NDUFB10: variants seen among roughly 807,000 people sequenced by gnomAD.
NDUFB10 encodes NADH:ubiquinone oxidoreductase subunit B10, also known as NADH dehydrogenase [ubiquinone] 1 beta subcomplex subunit 10.
A neutral mutation model predicts 19.0 loss-of-function variants in NDUFB10; 23 were observed. The ratio of observed to expected loss-of-function variants is 1.21; its 90% CI spans 0.87 to 1.71. NDUFB10 has a LOEUF of 1.71. NDUFB10 is among the 40% of genes most tolerant of loss of function. The pLI, the probability that NDUFB10 is intolerant of heterozygous loss-of-function variation, is 0.00. For synonymous variants in NDUFB10, 104 were observed against 81.8 expected (o/e 1.27, Z -1.46); for missense variants, 312 against 230.6 (o/e 1.35, Z -2.29).
In NDUFB10 at chr16:1,961,608, C is replaced by T; in HGVS notation, c.381C>T (p.Thr127=). 4 of 1,613,774 alleles carry T rather than the reference C, an allele frequency of 2.5e-6. No homozygotes were observed. The highest frequency in any genetic ancestry group is 1.7e-6 in the Non-Finnish European group (2 of 1,179,996). The change falls in exon 3 of 4, where the codon ACC becomes ACT. Residue 127 remains threonine, a synonymous_variant. Transcript: ENST00000268668. ...QNCIKEVEQF[T]QVAKAYQDRY... Reference sequence around the variant, plus strand: ...GTATCAAGGAAGTGGAGCAGTTCACCCAGGTGGCCAAGGCCTACCAGGACC... The same window carrying T: ...GTATCAAGGAAGTGGAGCAGTTCACTCAGGTGGCCAAGGCCTACCAGGACC...
At chr16:1,960,801 A>G (rs2083248747) in intron 1 of NDUFB10, among the ~76,000 whole-genome samples, 2 of 152,242 alleles carry the variant, frequency 1.3e-5, no homozygotes, top group Admixed American at 1.3e-4. Flanking sequence ...TTGCGCACCC[A>G]GCAGGGTCCC....
At chr16:1,961,723 G>C (rs990171144) in intron 3 of NDUFB10, 74 bp from the exon 4 acceptor site, 2 of 1,510,286 alleles carry the variant, frequency 1.3e-6, no homozygotes, top group South Asian at 2.4e-5. Context: ...CCCCTCCCTT[G>C]TGCTCACTTG....
chr16:1,960,900 C>T lies in NDUFB10; in HGVS notation c.131-253C>T, dbSNP rs569476037. Among the ~76,000 whole-genome samples, 8 of 152,288 alleles carry T rather than the reference C, an allele frequency of 5.3e-5. No individual in the cohort carries two copies. The South Asian group carries it at 1.7e-3, about 32-fold the overall frequency. On this transcript the variant is annotated intron_variant, in intron 1 of 3. Transcript: ENST00000268668. ...GCTGCCTGTAGGCTTGTGTGGGGGA[C>T]AGAGTAAGGTAATGCATGTGGAACT... is the stretch of plus-strand genomic sequence containing the variant.
rs1480367302 is a variant in NDUFB10 at position 1,961,389 on chromosome 16, G to A, written c.269+98G>A. 3.1e-6 allele frequency: 5 copies of A among 1,595,694 alleles called. No homozygotes were observed. In the East Asian group the frequency reaches 8.9e-5, roughly 29 times the overall value. ...AGGGTGGCATGCCCAGATTTTAGGG[G>A]TGACATGGGAGGAGCCAGACCCCAG... On this transcript the variant is annotated intron_variant, in intron 2 of 3. Coordinates refer to ENST00000268668, the MANE Select transcript of NDUFB10 (RefSeq NM_004548.3).
intron 1 of NDUFB10, 106 bp downstream of exon 1, chr16:1,959,860 C>CA: frequency 1.4e-6 from 2 of 1,464,774 alleles, no homozygotes; most frequent in Non-Finnish European, 1.9e-6. Flanking sequence ...TGCCTGAGAC[C>CA]GCCCCCCGCT....
chr16:1,961,706 C>T (rs1480289643), intron 3 of NDUFB10, 70 bp downstream of exon 3: 2 of 1,272,726 alleles, frequency 1.6e-6, no homozygotes, highest in South Asian at 2.5e-5. Flanking sequence ...CATTGCAAAT[C>T]TTCCCTCCCC....
intron 1 of NDUFB10, 114 bp downstream of exon 1, chr16:1,959,868 G>C (rs1328123602): frequency 7.1e-7 from 1 of 1,412,670 alleles, no homozygotes; most frequent in Non-Finnish European, 9.6e-7. Flanking sequence ...ACCGCCCCCC[G>C]CTGCACCCCG....
rs747732434 is a variant in NDUFB10, at chr16:1,961,885, G to C, written c.498G>C (p.Glu166Asp). ...TGCAAGAGAGAAAAGCTGCAAAAGAGGCCGCCGCTGCCACCTCCTGAGGCA... is the reference window on the plus strand; with the variant it reads ...TGCAAGAGAGAAAAGCTGCAAAAGACGCCGCCGCTGCCACCTCCTGAGGCA... ...RMLQERKAAKEAAAATS is the reference protein window; with the variant it reads ...RMLQERKAAKDAAAATS The change falls in exon 4 of 4, where the codon GAG (glutamate) becomes GAC (aspartate). Residue 166 changes from glutamate (E) to aspartate (D), a missense_variant. By Grantham distance (45) the Glu-to-Asp change is conservative. Coordinates refer to ENST00000268668, the MANE Select transcript of NDUFB10 (RefSeq NM_004548.3). 3 of 1,562,206 alleles carry C rather than the reference G, an allele frequency of 1.9e-6. No individual in the cohort carries two copies. The highest frequency in any genetic ancestry group is 1.2e-5 in the South Asian group (1 of 84,968).
In NDUFB10 at chr16:1,961,805, C is replaced by T. The variant is rs373787740; in HGVS notation, c.418C>T (p.Leu140=). The part of the protein sequence containing the change: ...AKAYQDRYQD[L]GAYSSARKCL... ...TTCCATTGCTTCCCCAGATCAGGAC[C>T]TGGGGGCCTACAGTTCTGCCAGGAA... The change falls in exon 4 of 4, where the codon CTG becomes TTG. Residue 140 remains leucine (L), a synonymous_variant. Coordinates refer to ENST00000268668, the MANE Select transcript of NDUFB10 (RefSeq NM_004548.3). 1.3e-6 allele frequency: 2 copies of T among 1,554,760 alleles called. No individual in the cohort carries two copies. Among genetic ancestry groups the T allele is most frequent in the Non-Finnish European group, 1.7e-6 (2 of 1,148,468 alleles).
At chr16:1,959,832 T>G in intron 1 of NDUFB10, 78 bp downstream of exon 1, 2 of 1,570,020 alleles carry the variant, frequency 1.3e-6, no homozygotes, top group Non-Finnish European at 1.7e-6. Flanking sequence ...GATCCTCCAA[T>G]GCCTCCGGGG....
intron 1 of NDUFB10, among the ~76,000 whole-genome samples, chr16:1,960,068 C>T (rs1337710660): frequency 1.3e-5 from 2 of 152,164 alleles, no homozygotes; most frequent in Middle Eastern, 3.4e-3. Flanking sequence ...CTGCTCTCCG[C>T]CCCCCGCCGC....
intron 1 of NDUFB10, 142 bp from the exon 2 acceptor site, chr16:1,961,011 G>A: frequency 4.8e-6 from 5 of 1,051,196 alleles, no homozygotes; most frequent in Non-Finnish European, 6.8e-6. Flanking sequence ...ACATCCCTTA[G>A]AGAGACGAAT....
At chr16:1,960,621 C>T (rs1166217122) in intron 1 of NDUFB10, among the ~76,000 whole-genome samples, 1 of 152,242 alleles carries the variant, frequency 6.6e-6, no homozygotes, top group Non-Finnish European at 1.5e-5. Context: ...GATCTGGAAA[C>T]CGTGCAACAG....
chr16:1,961,053 A>G (rs938159870), intron 1 of NDUFB10, 100 bp from the exon 2 acceptor site: 9 of 1,404,788 alleles, frequency 6.4e-6, no homozygotes, highest in Non-Finnish European at 8.8e-6. Context: ...ACACTCAGGA[A>G]GTTCTCCTCT....
intron 1 of NDUFB10, 75 bp downstream of exon 1, chr16:1,959,829 C>T (rs1053430986): frequency 1.9e-6 from 3 of 1,573,968 alleles, no homozygotes; most frequent in Non-Finnish European, 1.7e-6. Flanking sequence ...CTGGATCCTC[C>T]AATGCCTCCG....
chr16:1,961,077 G>C, intron 1 of NDUFB10, 76 bp from the exon 2 acceptor site: 1 of 1,546,880 alleles, frequency 6.5e-7, no homozygotes, highest in Non-Finnish European at 8.8e-7. Flanking sequence ...CCCTCCAAAG[G>C]GCTTATGAGA....
Position 1,961,174 on chromosome 16 carries a change from C to T in NDUFB10, c.152C>T (p.Ala51Val), listed in dbSNP as rs1328197655. The T allele has an allele frequency of 6.2e-7, 1 of 1,613,942 alleles. No homozygotes were observed. ...LVREFIERQH[A>V]KNRYYYYHRQ... ...GCAGAATTTATAGAGCGGCAGCACG[C>T]AAAGAACAGGTATTACTACTACCAC... The change falls in exon 2 of 4, where the codon GCA becomes GTA. Residue 51 changes from alanine to valine, a missense_variant. By Grantham distance (64) the Ala-to-Val change is moderately conservative (BLOSUM62 0). Coordinates refer to ENST00000268668, the MANE Select transcript of NDUFB10 (RefSeq NM_004548.3).
intron 1 of NDUFB10, among the ~76,000 whole-genome samples, 160 bp from the exon 2 acceptor site, chr16:1,960,993 G>T (rs1380195962): frequency 2.0e-5 from 3 of 152,198 alleles, no homozygotes; most frequent in Admixed American, 6.5e-5. Flanking sequence ...AGGCCTGCCT[G>T]GCTGGCCACA....
chr16:1,959,881 GA>G, intron 1 of NDUFB10, 127 bp downstream of exon 1: 1 of 1,307,182 alleles, frequency 7.7e-7, no homozygotes, highest in East Asian at 2.4e-5. Flanking sequence ...GCACCCCGGG[GA>G]CAACTCCCCA....
Sources: gnomAD v4.1 joint callset for allele counts (sites outside exome capture counted in the v4.1 genomes callset) on GRCh38, gnomAD v4.1.1 for gene constraint, MANE v1.5 for transcripts, NCBI Gene and HGNC (gene_info 2026-07-23, HGNC 2026-07-21) for gene names.